The following TFPT variants were observed in gnomAD, a reference collection of about 807,000 sequenced individuals.
TFPT encodes the protein TCF3 fusion partner.
A neutral mutation model predicts 28.8 loss-of-function variants in TFPT; 27 were observed. The observed-to-expected ratio is 0.94, with a 90% CI of 0.69 to 1.29. The LOEUF is 1.29. TFPT is among the 50% of genes most tolerant of loss of function. The probability of loss-of-function intolerance (pLI) is 0.00; values close to 1 mark genes in which losing one functional copy is unlikely to be tolerated. For missense variants in TFPT, 330 were observed against 338.0 expected, an observed-to-expected ratio of 0.98 and a Z score of 0.19; for synonymous variants, 152 against 142.8, an observed-to-expected ratio of 1.06 and a Z score of -0.46.
At chr19:54,107,224 T>G (rs1256685358) in intron 5 of TFPT, 55 bp from the exon 6 acceptor site, 13 of 1,580,076 alleles carry the variant, frequency 8.2e-6, no homozygotes, top group Non-Finnish European at 1.0e-5. Context: ...GAAAATCCCA[T>G]CAGCTTCACC....
chr19:54,108,244 C>G lies in TFPT; in HGVS notation c.424G>C (p.Asp142His), dbSNP rs1387396149. ...GCATCCGTGCCCTGGCTGCCCTCAT[C>G]CTGGCAGGCAGGAGGGGGAGGTAGG... ...RASQFTIVLE[D>H]EGSQGTDAPT... The change falls in exon 5 of 6, where the codon GAT becomes CAT. Residue 142 changes from aspartate (D) to histidine (H), a missense_variant and splice_region_variant. Coordinates refer to ENST00000391759, the MANE Select transcript of TFPT (RefSeq NM_013342.4). 2 of 1,586,830 alleles carry G rather than the reference C, an allele frequency of 1.3e-6. No individual in the cohort carries two copies. Among genetic ancestry groups the G allele is most frequent in the African/African-American group, 1.3e-5 (1 of 74,438 alleles).
intron 5 of TFPT, 104 bp downstream of exon 5, chr19:54,107,922 C>T: frequency 1.6e-6 from 2 of 1,282,778 alleles, no homozygotes; most frequent in Non-Finnish European, 2.1e-6. Flanking sequence ...CTGAACCTAA[C>T]TCAGCCCCAG....
At chr19:54,114,345 A>C (rs2073548795) in intron 2 of TFPT, 97 bp downstream of exon 2, 1 of 1,509,482 alleles carries the variant, frequency 6.6e-7, no homozygotes, top group Non-Finnish European at 8.9e-7. Flanking sequence ...ATATATCAGC[A>C]AGCCAAGAAA....
chr19:54,108,800 T>A (rs1027844566), intron 3 of TFPT: 2 of 565,684 alleles, frequency 3.5e-6, no homozygotes, highest in Non-Finnish European at 3.0e-6. Flanking sequence ...TCACCTCTTA[T>A]AAACACCCCC....
intron 5 of TFPT, among the ~76,000 whole-genome samples, chr19:54,107,794 C>T (rs2073314877): frequency 1.3e-5 from 2 of 152,162 alleles, no homozygotes; most frequent in African/African-American, 4.8e-5. Context: ...CTTTACCCCA[C>T]TTTTTCCAAC....
At chr19:54,110,302 C>G (rs2073417616) in intron 2 of TFPT, among the ~76,000 whole-genome samples, 181 bp from the exon 3 acceptor site, 1 of 152,140 alleles carries the variant, frequency 6.6e-6, no homozygotes. Flanking sequence ...CCTGAGTGCC[C>G]TCCAGTGGGG....
At chr19:54,115,066 C>G (rs2073583304) in intron 1 of TFPT, 181 bp downstream of exon 1, 2 of 959,492 alleles carry the variant, frequency 2.1e-6, no homozygotes, top group Non-Finnish European at 3.1e-6. Context: ...TCCAGCAGTC[C>G]AAACCCCTAA....
chr19:54,108,561 A>G, intron 3 of TFPT, 166 bp from the exon 4 acceptor site: 1 of 1,603,360 alleles, frequency 6.2e-7, no homozygotes, highest in Non-Finnish European at 8.5e-7. Context: ...GCCCTTGACC[A>G]GCCTTGAGAC....
Position 54,115,246 on chromosome 19 carries a change from C to A in TFPT, c.23+1G>T. On this transcript the variant is annotated splice_donor_variant, in intron 1 of 5. Transcript: ENST00000391759. LOFTEE classifies it high-confidence loss of function. ...TTTTTCACAAGGGCTCAGCCACATA[C>A]CCTTCTCTCTGCTCCAATTCCATCT... is the stretch of plus-strand genomic sequence containing the variant. 6.2e-7 allele frequency: 1 copy of A among 1,614,166 alleles called. No homozygotes were observed. Among genetic ancestry groups the A allele is most frequent in the Non-Finnish European group, 8.5e-7 (1 of 1,180,034 alleles).
chr19:54,107,290 C>A, intron 5 of TFPT, 121 bp from the exon 6 acceptor site: 1 of 1,395,784 alleles, frequency 7.2e-7, no homozygotes, highest in Non-Finnish European at 9.7e-7. Context: ...ACTCTGTTGC[C>A]CAGGCTGGAG....
intron 2 of TFPT, among the ~76,000 whole-genome samples, chr19:54,111,948 C>T (rs2146364536): frequency 6.6e-6 from 1 of 152,208 alleles, no homozygotes; most frequent in Non-Finnish European, 1.5e-5. Context: ...GCATTGCACT[C>T]CAGCCTGGAC....
chr19:54,107,905 A>G, intron 5 of TFPT, 121 bp downstream of exon 5: 1 of 1,081,212 alleles, frequency 9.2e-7, no homozygotes, highest in Non-Finnish European at 1.3e-6. Context: ...ACCAAAACCC[A>G]AGAGCCCTGA....
chr19:54,110,433 C>G (rs896206188), intron 2 of TFPT, among the ~76,000 whole-genome samples: 1 of 152,072 alleles, frequency 6.6e-6, no homozygotes, highest in East Asian at 1.9e-4. Flanking sequence ...CCCATTAAGT[C>G]GAAACACACC....
intron 3 of TFPT, chr19:54,108,896 TTTG>T (rs374702639): frequency 7.7e-4 from 235 of 304,554 alleles, no homozygotes; most frequent in African/African-American, 3.0e-3. Flanking sequence ...CCTGGGCAGG[TTTG>T]TTGTTGTTGT....
In TFPT at chr19:54,110,079, T is replaced by C; in HGVS notation, c.325A>G (p.Ile109Val). ...VLNRLHQVQRITRRLQQERRF... is the reference protein window; with the variant it reads ...VLNRLHQVQRVTRRLQQERRF... ...CGTTCCTGCTGCAGCCTCCGAGTTA[T>C]CCTCTGCACCTGATGGAGCCTGTTC... Residue 109 changes from isoleucine (I) to valine (V), a missense_variant, in exon 3 of 6, where the codon ATA (isoleucine) becomes GTA (valine). Physicochemically the swap from Ile to Val is conservative, Grantham distance 29. Transcript: ENST00000391759. 1 of 1,614,118 alleles carries C rather than the reference T, an allele frequency of 6.2e-7. No homozygotes were observed.
chr19:54,112,189 G>A (rs2146365316), intron 2 of TFPT, among the ~76,000 whole-genome samples: 1 of 151,646 alleles, frequency 6.6e-6, no homozygotes, highest in South Asian at 2.1e-4. Flanking sequence ...AGGATGTTGG[G>A]GCTGCAGTGA....
intron 2 of TFPT, 23 bp from the exon 3 acceptor site, chr19:54,110,144 C>T: frequency 6.2e-7 from 1 of 1,613,470 alleles, no homozygotes; most frequent in Non-Finnish European, 8.5e-7. Flanking sequence ...AAACGCCCAT[C>T]AGCTGGATCC....
Position 54,107,042 on chromosome 19 carries a change from G to C in TFPT, c.*8C>G, listed in dbSNP as rs757257456. On this transcript the variant is annotated 3_prime_UTR_variant, in exon 6 of 6. Transcript: ENST00000391759. The stretch of plus-strand genomic sequence containing the variant: ...GGGTGAGTGTGGGGTCAGTTTATTG[G>C]GCATGCGTCAGTCAGAGGCTGGGCT... 1.2e-6 allele frequency: 2 copies of C among 1,613,262 alleles called. No homozygotes were observed. Among genetic ancestry groups the C allele is most frequent in the Non-Finnish European group, 1.7e-6 (2 of 1,179,730 alleles).
intron 2 of TFPT, among the ~76,000 whole-genome samples, chr19:54,113,694 T>C (rs1179893639): frequency 6.6e-6 from 1 of 152,184 alleles, no homozygotes; most frequent in Non-Finnish European, 1.5e-5. Context: ...TCCTCATTGA[T>C]TGATTGATTG....
Sources: gnomAD v4.1 joint callset for allele counts (sites outside exome capture counted in the v4.1 genomes callset) on GRCh38, gnomAD v4.1.1 for gene constraint, MANE v1.5 for transcripts, NCBI Gene and HGNC (gene_info 2026-07-23, HGNC 2026-07-21) for gene names.